The following FSTL5 variants were observed in gnomAD, a reference collection of about 807,000 sequenced individuals.
FSTL5 encodes follistatin-related protein 5.
Under a neutral mutation model 89.1 loss-of-function variants are expected in FSTL5, and 62 were observed. The observed-to-expected ratio is 0.70, with a 90% CI of 0.57 to 0.86. FSTL5 has a LOEUF of 0.86. FSTL5 is among the 40% of genes least tolerant of loss of function. The pLI is 0.00. For synonymous variants in FSTL5, 383 were observed against 346.2 expected, an observed-to-expected ratio of 1.11 and a Z score of -1.18; for missense variants, 1,057 against 1,001.6, an observed-to-expected ratio of 1.06 and a Z score of -0.75.
intron 13 of FSTL5, among the ~76,000 whole-genome samples, chr4:161,479,082 C>G (rs1161609016): frequency 1.3e-5 from 2 of 151,940 alleles, no homozygotes; most frequent in Non-Finnish European, 2.9e-5. Flanking sequence ...ATAACATGGT[C>G]ATAAGGAGAA....
At chr4:162,080,713 C>T (rs1730059077) in intron 2 of FSTL5, among the ~76,000 whole-genome samples, 1 of 151,472 alleles carries the variant, frequency 6.6e-6, no homozygotes, top group African/African-American at 2.4e-5. Context: ...TATTTTGAAA[C>T]TGAATCTGGA....
intron 2 of FSTL5, among the ~76,000 whole-genome samples, chr4:162,102,897 G>A (rs1019183073): frequency 6.6e-6 from 1 of 151,396 alleles, no homozygotes; most frequent in Non-Finnish European, 1.5e-5. Flanking sequence ...ATAGAATGCT[G>A]ATGCAACACT....
intron 6 of FSTL5, among the ~76,000 whole-genome samples, chr4:161,699,788 C>T (rs1738313418): frequency 6.6e-6 from 1 of 152,094 alleles, no homozygotes; most frequent in Non-Finnish European, 1.5e-5. Context: ...GGGTCTGTAT[C>T]TGATGCCAGA....
chr4:161,572,920 G>A (rs1468099564), intron 8 of FSTL5, among the ~76,000 whole-genome samples: 3 of 152,154 alleles, frequency 2.0e-5, no homozygotes, highest in Admixed American at 1.3e-4. Flanking sequence ...CATAAATCCT[G>A]ATATTTAATC....
chr4:161,709,683 C>A (rs1738707917), intron 6 of FSTL5, among the ~76,000 whole-genome samples: 1 of 152,046 alleles, frequency 6.6e-6, no homozygotes, highest in Admixed American at 6.6e-5. Flanking sequence ...ATGGTCCCAG[C>A]TACTCAGGAG....
At chr4:161,494,045 G>A (rs1004273020) in intron 12 of FSTL5, among the ~76,000 whole-genome samples, 2 of 152,084 alleles carry the variant, frequency 1.3e-5, no homozygotes, top group Non-Finnish European at 2.9e-5. Flanking sequence ...TTACATCTAC[G>A]ATGTCAAGCA....
intron 6 of FSTL5, among the ~76,000 whole-genome samples, chr4:161,688,062 C>T (rs1392778362): frequency 6.6e-6 from 1 of 152,060 alleles, no homozygotes; most frequent in East Asian, 1.9e-4. Context: ...TATAAATCAC[C>T]CAATCTGTGA....
chr4:161,562,758 C>T (rs1392544792), intron 8 of FSTL5, among the ~76,000 whole-genome samples: 1 of 151,954 alleles, frequency 6.6e-6, no homozygotes, highest in Non-Finnish European at 1.5e-5. Flanking sequence ...GTGTTAAACA[C>T]ATTCATAATG....
Position 161,627,034 on chromosome 4 carries a change from G to A in FSTL5, c.894+29294C>T, listed in dbSNP as rs889433027. ...GAAGATGCATGAAAATTGTTTAAAT[G>A]ACAAAAAATGATTTAGGAGATTATG... On this transcript the variant is annotated intron_variant, in intron 7 of 15. Coordinates refer to ENST00000306100, the MANE Select transcript of FSTL5 (RefSeq NM_020116.5). Among the ~76,000 whole-genome samples the A allele has an allele frequency of 7.9e-5, 12 of 152,082 alleles. No homozygotes were observed. In the East Asian group the frequency reaches 1.9e-3, roughly 24 times the overall value.
intron 15 of FSTL5, among the ~76,000 whole-genome samples, chr4:161,441,559 T>C (rs1324835737): frequency 6.6e-6 from 1 of 152,074 alleles, no homozygotes; most frequent in Non-Finnish European, 1.5e-5. Flanking sequence ...TCAATATACA[T>C]GGCTTTGAAC....
intron 1 of FSTL5, among the ~76,000 whole-genome samples, chr4:162,155,260 C>T (rs1282060007): frequency 6.6e-6 from 1 of 152,058 alleles, no homozygotes; most frequent in African/African-American, 2.4e-5. Flanking sequence ...CTTTAAAAGC[C>T]GGGTTAGAGG....
intron 6 of FSTL5, among the ~76,000 whole-genome samples, chr4:161,707,817 G>C (rs186079454): frequency 6.6e-6 from 1 of 151,794 alleles, no homozygotes; most frequent in Admixed American, 6.6e-5. Context: ...AACAGAATTT[G>C]GTCTCTGGAT....
intron 15 of FSTL5, among the ~76,000 whole-genome samples, chr4:161,436,921 T>C (rs961798836): frequency 1.3e-5 from 2 of 152,184 alleles, no homozygotes; most frequent in Non-Finnish European, 2.9e-5. Context: ...TCACTTAACA[T>C]TGTGAATTTG....
chr4:161,595,125 GT>G (rs1248327448), intron 7 of FSTL5, among the ~76,000 whole-genome samples: 4 of 151,670 alleles, frequency 2.6e-5, no homozygotes, highest in Non-Finnish European at 5.9e-5. Flanking sequence ...TCAAAATTAC[GT>G]TTTGAGTTTT....
chr4:161,913,759 G>A (rs545052653), intron 4 of FSTL5, among the ~76,000 whole-genome samples: 45 of 152,232 alleles, frequency 3.0e-4, no homozygotes, highest in Non-Finnish European at 3.2e-4. Context: ...ACTGCCCTGC[G>A]GGATTTTGGA....
At chr4:161,811,431 C>A (rs1457726485) in intron 4 of FSTL5, among the ~76,000 whole-genome samples, 1 of 152,036 alleles carries the variant, frequency 6.6e-6, no homozygotes, top group Non-Finnish European at 1.5e-5. Flanking sequence ...TACCTTGTGA[C>A]AGCACTTTAA....
intron 1 of FSTL5, among the ~76,000 whole-genome samples, chr4:162,138,856 T>C (rs1397647254): frequency 1.1e-4 from 17 of 152,074 alleles, no homozygotes; most frequent in Non-Finnish European, 2.5e-4. Flanking sequence ...ACGTATTTGA[T>C]GTATTTTCAA....
chr4:162,057,326 C>T (rs965005461), intron 2 of FSTL5, among the ~76,000 whole-genome samples: 1 of 152,152 alleles, frequency 6.6e-6, no homozygotes, highest in Non-Finnish European at 1.5e-5. Context: ...ATAAACTCTC[C>T]GTCTCCCCTG....
At chr4:161,979,249 T>C (rs1735748660) in intron 3 of FSTL5, among the ~76,000 whole-genome samples, 1 of 152,118 alleles carries the variant, frequency 6.6e-6, no homozygotes, top group Admixed American at 6.5e-5. Flanking sequence ...TATACACTGG[T>C]TCAAGAAGAA....
Sources: gnomAD v4.1 joint callset for allele counts (sites outside exome capture counted in the v4.1 genomes callset) on GRCh38, gnomAD v4.1.1 for gene constraint, MANE v1.5 for transcripts, NCBI Gene and HGNC (gene_info 2026-07-23, HGNC 2026-07-21) for gene names.